DPYD: variants seen among roughly 807,000 people sequenced by gnomAD.
The protein encoded by DPYD is dihydropyrimidine dehydrogenase.
In DPYD, 109 loss-of-function variants were observed where a neutral mutation model predicts 116.2. The observed-to-expected ratio is 0.94, with a 90% confidence interval of 0.80 to 1.10. The LOEUF (loss-of-function observed/expected upper bound fraction) is 1.10, where lower values mean the gene tolerates loss of function less well. Among genes scored for constraint, DPYD ranks in the 50% least tolerant of loss-of-function variants. DPYD has a pLI of 0.00. For missense variants in DPYD, 1,302 were observed against 1,254.5 expected (o/e 1.04, Z -0.57); for synonymous variants, 440 against 432.0 (o/e 1.02, Z -0.23).
chr1:97,277,784 A>G (rs1665043784), intron 18 of DPYD, among the ~76,000 whole-genome samples: 1 of 152,204 alleles, frequency 6.6e-6, no homozygotes, highest in Non-Finnish European at 1.5e-5. Context: ...GCTACACAAC[A>G]GCCATGGTGC....
At position 97,381,802 on chromosome 1, in the gene DPYD, A is replaced by G. The variant is rs192621562; in HGVS notation, c.1974+591T>C. Among the ~76,000 whole-genome samples, 16 of 152,254 alleles carry G rather than the reference A, an allele frequency of 1.1e-4. No homozygotes were observed. In the East Asian group the frequency reaches 3.1e-3, roughly 29 times the overall value. On this transcript the variant is annotated intron_variant, in intron 15 of 22. Transcript: ENST00000370192. ...TATAATTTTAAGTATGTATTTTTCTATTTGAAATACAAATTTAAGGCACAT... is the reference window on the plus strand; with the variant it reads ...TATAATTTTAAGTATGTATTTTTCTGTTTGAAATACAAATTTAAGGCACAT...
chr1:97,786,684 TA>T (rs1401574449), intron 3 of DPYD, among the ~76,000 whole-genome samples: 1 of 152,230 alleles, frequency 6.6e-6, no homozygotes, highest in African/African-American at 2.4e-5. Flanking sequence ...GCACTATTTT[TA>T]GGCTGAAGAG....
intron 4 of DPYD, among the ~76,000 whole-genome samples, chr1:97,723,005 C>T (rs1388658214): frequency 3.3e-5 from 5 of 150,846 alleles, no homozygotes; most frequent in African/African-American, 4.9e-5. Context: ...ATAACCTTGA[C>T]GAAAATTCAG....
intron 13 of DPYD, among the ~76,000 whole-genome samples, chr1:97,468,453 T>C (rs1677451669): frequency 6.6e-6 from 1 of 152,114 alleles, no homozygotes. Context: ...GTCCTTTCCA[T>C]CATGTGAGGA....
intron 1 of DPYD, among the ~76,000 whole-genome samples, chr1:97,885,432 A>G (rs1030031440): frequency 6.6e-6 from 1 of 152,078 alleles, no homozygotes; most frequent in Non-Finnish European, 1.5e-5. Flanking sequence ...AGCTGATTTT[A>G]TAAGAGTATC....
chr1:97,286,951 C>T (rs141692140), intron 18 of DPYD, among the ~76,000 whole-genome samples: 5 of 152,350 alleles, frequency 3.3e-5, no homozygotes, highest in African/African-American at 4.8e-5. Flanking sequence ...AGCTTTGTTA[C>T]GTTGCTGGTG....
chr1:97,904,370 G>C lies in DPYD; in HGVS notation c.39+16514C>G, dbSNP rs145125457. Among the ~76,000 whole-genome samples the C allele has an allele frequency of 2.4e-3, 362 of 152,034 alleles. 5 individuals carry two copies. The highest frequency in any genetic ancestry group is 0.02 in the Middle Eastern group (6 of 294). On this transcript the variant is annotated intron_variant, in intron 1 of 22. Transcript: ENST00000370192. Reference sequence around the variant, plus strand: ...ATCATAATGGAAGTGTGGGAGACCAGAATATACCTTCCCAAAATATGAAGG... The same window carrying C: ...ATCATAATGGAAGTGTGGGAGACCACAATATACCTTCCCAAAATATGAAGG...
intron 3 of DPYD, among the ~76,000 whole-genome samples, chr1:97,775,675 G>A (rs1408471979): frequency 1.3e-5 from 2 of 151,966 alleles, no homozygotes; most frequent in Non-Finnish European, 2.9e-5. Context: ...ATATATTCTT[G>A]TGTCCTAATG....
chr1:97,525,922 A>G (rs950889719), intron 12 of DPYD, among the ~76,000 whole-genome samples: 1 of 146,140 alleles, frequency 6.8e-6, no homozygotes, highest in African/African-American at 2.6e-5. Flanking sequence ...GTTTTAGGCC[A>G]GTCTCTCCAA....
intron 14 of DPYD, among the ~76,000 whole-genome samples, chr1:97,399,059 C>T (rs12024083): frequency 0.19 from 29,003 of 151,912 alleles, 2,890 homozygotes; most frequent in South Asian, 0.36. Context: ...AGGTTTTTGT[C>T]TAGGGTTTTT....
chr1:97,663,855 C>G (rs1409465680), intron 8 of DPYD, among the ~76,000 whole-genome samples: 1 of 152,124 alleles, frequency 6.6e-6, no homozygotes, highest in Non-Finnish European at 1.5e-5. Context: ...AATCCCTGCC[C>G]CAGCATGTCT....
chr1:97,661,483 G>GA (rs1223449653), intron 8 of DPYD, among the ~76,000 whole-genome samples: 2 of 151,962 alleles, frequency 1.3e-5, no homozygotes, highest in Non-Finnish European at 2.9e-5. Flanking sequence ...GTGACTATGG[G>GA]AAAAAGTTAA....
At chr1:97,209,400 T>A (rs1412346248) in intron 19 of DPYD, among the ~76,000 whole-genome samples, 3 of 152,198 alleles carry the variant, frequency 2.0e-5, no homozygotes, top group Non-Finnish European at 2.9e-5. Context: ...TGGCTTTTTT[T>A]AAACTCCCTC....
At chr1:97,682,410 G>A (rs948301928) in intron 7 of DPYD, among the ~76,000 whole-genome samples, 1 of 151,826 alleles carries the variant, frequency 6.6e-6, no homozygotes, top group African/African-American at 2.4e-5. Flanking sequence ...ACAGGCACAA[G>A]GCTTCCTTCC....
chr1:97,360,794 C>T (rs1324729891), intron 16 of DPYD, among the ~76,000 whole-genome samples: 3 of 152,186 alleles, frequency 2.0e-5, no homozygotes, highest in Admixed American at 6.5e-5. Flanking sequence ...CTCTGGGACA[C>T]ATTTAAAGCA....
intron 8 of DPYD, among the ~76,000 whole-genome samples, chr1:97,608,061 T>C (rs924332830): frequency 1.3e-5 from 2 of 151,914 alleles, no homozygotes; most frequent in African/African-American, 4.8e-5. Context: ...AACTCTATAA[T>C]AGCCACATGG....
intron 20 of DPYD, among the ~76,000 whole-genome samples, chr1:97,123,235 T>C (rs775915563): frequency 6.6e-6 from 1 of 152,158 alleles, no homozygotes; most frequent in Non-Finnish European, 1.5e-5. Context: ...GAAACATATT[T>C]ACTCTATATG....
intron 20 of DPYD, among the ~76,000 whole-genome samples, chr1:97,102,417 A>ATATATATATG (rs1442061038): frequency 2.1e-5 from 3 of 142,886 alleles, no homozygotes; most frequent in African/African-American, 5.1e-5. Context: ...ATATATATAT[A>ATATATATATG]TATGTATATA....
At chr1:97,242,646 A>G (rs1662454133) in intron 18 of DPYD, among the ~76,000 whole-genome samples, 1 of 151,770 alleles carries the variant, frequency 6.6e-6, no homozygotes, top group African/African-American at 2.4e-5. Flanking sequence ...CTTCTGTAGT[A>G]AAAATATCTA....
Sources: gnomAD v4.1 joint callset for allele counts (sites outside exome capture counted in the v4.1 genomes callset) on GRCh38, gnomAD v4.1.1 for gene constraint, MANE v1.5 for transcripts, NCBI Gene and HGNC (gene_info 2026-07-23, HGNC 2026-07-21) for gene names.